Variants in TRPM3 observed in about 807,000 individuals in gnomAD.
The protein encoded by TRPM3 is transient receptor potential cation channel subfamily M member 3.
In TRPM3, 77 loss-of-function variants were observed where a neutral mutation model predicts 181.2. The ratio of observed to expected loss-of-function variants is 0.42; its 90% CI spans 0.35 to 0.51. The LOEUF (loss-of-function observed/expected upper bound fraction) is 0.51, where lower values mean the gene tolerates loss of function less well. Among genes scored for constraint, TRPM3 ranks in the 20% least tolerant of loss-of-function variants. The pLI, the probability that TRPM3 is intolerant of heterozygous loss-of-function variation, is 0.01. For missense variants in TRPM3, 1,759 were observed against 2,196.7 expected (o/e 0.80, Z 3.98); for synonymous variants, 745 against 796.4 (o/e 0.94, Z 1.09).
At chr9:71,337,188 C>T (rs770361005) in intron 1 of TRPM3, among the ~76,000 whole-genome samples, 2 of 149,150 alleles carry the variant, frequency 1.3e-5, no homozygotes, top group African/African-American at 2.4e-5. Context: ...GGAAGCCCAT[C>T]GACAAAGGGC....
chr9:70,908,348 G>T (rs1170654992), intron 1 of TRPM3, among the ~76,000 whole-genome samples: 1 of 152,190 alleles, frequency 6.6e-6, no homozygotes, highest in African/African-American at 2.4e-5. Flanking sequence ...GAAAGGTAGA[G>T]AGTTTCACCT....
rs146873650 is a variant in TRPM3, at chr9:70,796,152, C to T, written c.974-11873G>A. 2.9e-3 allele frequency among the ~76,000 whole-genome samples: 447 copies of T among 152,244 alleles called. 4 individuals are homozygous for T. The highest frequency in any genetic ancestry group is 0.01 in the African/African-American group (429 of 41,548). ...CTCATTTTACTTTATAATACGCTAC[C>T]CATGTTCCCCTGCAAATGTTCCAGG... On this transcript the variant is annotated intron_variant, in intron 6 of 25. Transcript: ENST00000677713.
chr9:71,413,522 G>A (rs2093592998), intron 1 of TRPM3, among the ~76,000 whole-genome samples: 1 of 152,016 alleles, frequency 6.6e-6, no homozygotes. Context: ...TAATACTGTA[G>A]TTTCTTTATA....
At chr9:71,156,168 A>G (rs2075989573) in intron 1 of TRPM3, among the ~76,000 whole-genome samples, 1 of 152,058 alleles carries the variant, frequency 6.6e-6, no homozygotes, top group Admixed American at 6.6e-5. Flanking sequence ...TAGTTCAGGT[A>G]CAATGGAGTT....
chr9:71,320,790 C>A (rs1026775259), intron 1 of TRPM3, among the ~76,000 whole-genome samples: 5 of 152,112 alleles, frequency 3.3e-5, no homozygotes, highest in African/African-American at 9.7e-5. Context: ...CTTGAAAAAT[C>A]CTCTTGAATG....
At chr9:70,801,443 G>A (rs1030704052) in intron 6 of TRPM3, among the ~76,000 whole-genome samples, 1 of 152,248 alleles carries the variant, frequency 6.6e-6, no homozygotes, top group African/African-American at 2.4e-5. Context: ...AGATCATTAA[G>A]CAAAGGAAAA....
chr9:71,375,819 T>A (rs746040743), intron 1 of TRPM3, among the ~76,000 whole-genome samples: 8 of 152,158 alleles, frequency 5.3e-5, no homozygotes, highest in Admixed American at 2.0e-4. Flanking sequence ...ATGGCTCAGA[T>A]TGTTAGCATT....
intron 3 of TRPM3, among the ~76,000 whole-genome samples, chr9:70,852,805 C>G (rs1406023086): frequency 2.0e-5 from 3 of 152,188 alleles, no homozygotes; most frequent in African/African-American, 7.2e-5. Context: ...CACTGCTCCC[C>G]TCTAAGTCCT....
chr9:71,030,862 C>T (rs1052335564), intron 1 of TRPM3, among the ~76,000 whole-genome samples: 2 of 152,236 alleles, frequency 1.3e-5, no homozygotes, highest in Admixed American at 6.5e-5. Flanking sequence ...CATTTTAATT[C>T]TTGCATTTAT....
intron 1 of TRPM3, among the ~76,000 whole-genome samples, chr9:71,133,968 TGTGTTTGTGTGTGTG>T (rs1433530034): frequency 3.6e-5 from 3 of 82,692 alleles, no homozygotes; most frequent in African/African-American, 1.4e-4. Flanking sequence ...CTAAACTGTG[TGTGTTTGTGTGTGTG>T]TGTGTGTGTG....
At chr9:70,626,268 A>G (rs1236001250) in intron 12 of TRPM3, among the ~76,000 whole-genome samples, 2 of 152,182 alleles carry the variant, frequency 1.3e-5, no homozygotes, top group East Asian at 3.9e-4. Flanking sequence ...GTCTGAGTGC[A>G]TAGTGAATTC....
chr9:70,830,270 C>T (rs1398513448), intron 5 of TRPM3, among the ~76,000 whole-genome samples: 1 of 152,076 alleles, frequency 6.6e-6, no homozygotes, highest in Non-Finnish European at 1.5e-5. Context: ...TAATTCTCAG[C>T]CAAGCTGATG....
intron 1 of TRPM3, among the ~76,000 whole-genome samples, chr9:71,305,888 A>G (rs1278681014): frequency 6.6e-6 from 1 of 152,178 alleles, no homozygotes; most frequent in African/African-American, 2.4e-5. Flanking sequence ...TTTAAAAAAA[A>G]TCTATCTTAT....
intron 1 of TRPM3, among the ~76,000 whole-genome samples, chr9:71,326,948 T>C (rs1004507777): frequency 6.6e-6 from 1 of 152,152 alleles, no homozygotes; most frequent in African/African-American, 2.4e-5. Flanking sequence ...AATACACTGG[T>C]TATGCACTCA....
chr9:71,158,799 T>C (rs1205652113), intron 1 of TRPM3, among the ~76,000 whole-genome samples: 1 of 152,128 alleles, frequency 6.6e-6, no homozygotes, highest in Non-Finnish European at 1.5e-5. Flanking sequence ...CAAAGCAGAT[T>C]ACCCTCCTCG....
intron 1 of TRPM3, among the ~76,000 whole-genome samples, chr9:71,127,052 T>C (rs928979303): frequency 3.2e-5 from 4 of 123,082 alleles, no homozygotes; most frequent in Non-Finnish European, 6.9e-5. Context: ...CGTGATGGCA[T>C]AGAGTTTTTA....
chr9:70,668,743 T>A (rs1040539969), intron 9 of TRPM3, among the ~76,000 whole-genome samples: 20 of 151,296 alleles, frequency 1.3e-4, no homozygotes, highest in African/African-American at 4.6e-4. Flanking sequence ...GTATGTTAGA[T>A]TTACTGTTAT....
At chr9:71,299,339 G>A (rs2086571340) in intron 1 of TRPM3, among the ~76,000 whole-genome samples, 1 of 152,174 alleles carries the variant, frequency 6.6e-6, no homozygotes, top group Admixed American at 6.6e-5. Context: ...TGTGCCCAGT[G>A]TTGTGGTAAA....
At chr9:70,886,797 T>A (rs1256615369) in intron 1 of TRPM3, among the ~76,000 whole-genome samples, 1 of 152,074 alleles carries the variant, frequency 6.6e-6, no homozygotes, top group South Asian at 2.1e-4. Context: ...CCTGTGTAGC[T>A]GGGATTATAG....
Sources: allele counts gnomAD v4.1 joint callset (sites outside exome capture counted in the v4.1 genomes callset), GRCh38; gene constraint gnomAD v4.1.1; transcripts MANE v1.5; gene names NCBI Gene and HGNC (gene_info 2026-07-23, HGNC 2026-07-21).